The following PTPRD variants were observed in gnomAD, a reference collection of about 807,000 sequenced individuals.
PTPRD encodes protein tyrosine phosphatase receptor type D, also known as receptor-type tyrosine-protein phosphatase delta.
A neutral mutation model predicts 214.5 loss-of-function variants in PTPRD; 34 were observed. The observed-to-expected ratio is 0.16, with a 90% CI of 0.12 to 0.21. PTPRD has a LOEUF of 0.21. Among genes scored for constraint, PTPRD ranks in the 10% least tolerant of loss-of-function variants. The pLI is 1.00. For missense variants in PTPRD, 2,545 were observed against 2,398.7 expected (o/e 1.06, Z -1.27); for synonymous variants, 1,128 against 845.7 (o/e 1.33, Z -5.79).
At chr9:8,857,011 A>G (rs976708890) in intron 11 of PTPRD, among the ~76,000 whole-genome samples, 17 of 152,194 alleles carry the variant, frequency 1.1e-4, no homozygotes, top group African/African-American at 1.7e-4. Flanking sequence ...TCATTATAAA[A>G]GATGCGTTCC....
chr9:10,360,343 T>C (rs1338630746), intron 2 of PTPRD, among the ~76,000 whole-genome samples: 3 of 152,240 alleles, frequency 2.0e-5, no homozygotes, highest in East Asian at 1.9e-4. Flanking sequence ...TCATCACAAT[T>C]AGTTTTATAT....
intron 33 of PTPRD, among the ~76,000 whole-genome samples, chr9:8,458,106 A>C (rs1178431780): frequency 6.6e-6 from 1 of 152,102 alleles, no homozygotes; most frequent in Non-Finnish European, 1.5e-5. Context: ...GCATTCGAGG[A>C]TGTGTGCATT....
chr9:8,714,373 C>G (rs570189818), intron 12 of PTPRD, among the ~76,000 whole-genome samples: 2 of 152,170 alleles, frequency 1.3e-5, no homozygotes, highest in East Asian at 1.9e-4. Context: ...TTTGCAGACA[C>G]TAGTCATATT....
chr9:9,825,472 C>T (rs574246161), intron 5 of PTPRD, among the ~76,000 whole-genome samples: 6 of 150,630 alleles, frequency 4.0e-5, no homozygotes, highest in East Asian at 2.0e-4. Flanking sequence ...AGAAAGAGAC[C>T]GAGAGACAGA....
intron 11 of PTPRD, among the ~76,000 whole-genome samples, chr9:8,754,259 T>G (rs1293505795): frequency 2.0e-5 from 3 of 152,192 alleles, no homozygotes; most frequent in African/African-American, 7.2e-5. Context: ...AAAAACTAAT[T>G]TTATAATTTA....
chr9:8,396,111 G>T (rs2091084546), intron 36 of PTPRD, among the ~76,000 whole-genome samples: 1 of 151,124 alleles, frequency 6.6e-6, no homozygotes, highest in Admixed American at 6.6e-5. Flanking sequence ...CTATGTGTAG[G>T]AAACACTCAG....
intron 10 of PTPRD, among the ~76,000 whole-genome samples, chr9:9,059,136 A>G (rs1005435143): frequency 6.6e-6 from 1 of 152,184 alleles, no homozygotes; most frequent in African/African-American, 2.4e-5. Flanking sequence ...GAGAGAACAG[A>G]AAGCATGCTG....
intron 3 of PTPRD, among the ~76,000 whole-genome samples, chr9:10,103,850 T>A (rs866135974): frequency 6.6e-6 from 1 of 151,618 alleles, no homozygotes; most frequent in Admixed American, 6.6e-5. Context: ...GTTAAAGAAT[T>A]TAATGGCTTG....
At chr9:8,583,074 T>C (rs1365393106) in intron 14 of PTPRD, among the ~76,000 whole-genome samples, 1 of 152,224 alleles carries the variant, frequency 6.6e-6, no homozygotes, top group Non-Finnish European at 1.5e-5. Context: ...TTGGCCAAGA[T>C]GAAACTGTTC....
At chr9:9,542,759 G>C (rs577230410) in intron 8 of PTPRD, among the ~76,000 whole-genome samples, 1 of 151,654 alleles carries the variant, frequency 6.6e-6, no homozygotes, top group African/African-American at 2.4e-5. Context: ...ACCACAATGA[G>C]ATGACATTTC....
chr9:8,976,203 T>C (rs2099267122), intron 11 of PTPRD, among the ~76,000 whole-genome samples: 1 of 152,110 alleles, frequency 6.6e-6, no homozygotes, highest in South Asian at 2.1e-4. Flanking sequence ...CCATATTGTT[T>C]GTGTTTAAAC....
chr9:9,579,809 A>G (rs562356890), intron 7 of PTPRD, among the ~76,000 whole-genome samples: 1 of 152,208 alleles, frequency 6.6e-6, no homozygotes, highest in African/African-American at 2.4e-5. Context: ...CCAGAATAAT[A>G]TCCATTGTAC....
chr9:10,503,105 C>G (rs1649932364), intron 2 of PTPRD, among the ~76,000 whole-genome samples: 1 of 145,002 alleles, frequency 6.9e-6, no homozygotes, highest in Non-Finnish European at 1.5e-5. Flanking sequence ...CCATTTTTGT[C>G]TCTCCAATGT....
chr9:10,250,437 A>G (rs1213195864), intron 3 of PTPRD, among the ~76,000 whole-genome samples: 1 of 152,124 alleles, frequency 6.6e-6, no homozygotes, highest in East Asian at 1.9e-4. Context: ...GAAAGCCTAG[A>G]AAGTCTTTAT....
intron 3 of PTPRD, among the ~76,000 whole-genome samples, chr9:10,090,374 A>G (rs2098414502): frequency 6.6e-6 from 1 of 151,408 alleles, no homozygotes; most frequent in Non-Finnish European, 1.5e-5. Context: ...ATAGAATTAT[A>G]ATTATTCAGG....
intron 8 of PTPRD, among the ~76,000 whole-genome samples, chr9:9,463,930 G>A (rs1018761732): frequency 5.9e-5 from 9 of 152,120 alleles, no homozygotes; most frequent in Admixed American, 5.2e-4. Flanking sequence ...TTTGGACAGT[G>A]AGACACCAGA....
Position 10,378,581 on chromosome 9 carries a change from C to T in PTPRD, c.-599-37564G>A, listed in dbSNP as rs181444893. ...TCATTTATTGAAGAGACTGTCTTTC[C>T]CCTCAGTATGTTATTGGAACCTATA... On this transcript the variant is annotated intron_variant, in intron 2 of 45. Coordinates refer to ENST00000381196, the MANE Select transcript of PTPRD (RefSeq NM_002839.4). 3.1e-3 allele frequency among the ~76,000 whole-genome samples: 465 copies of T among 152,078 alleles called. 4 individuals carry two copies. The highest frequency in any genetic ancestry group is 4.0e-3 in the Non-Finnish European group (273 of 67,954).
At chr9:9,480,011 G>C (rs968651660) in intron 8 of PTPRD, among the ~76,000 whole-genome samples, 1 of 152,158 alleles carries the variant, frequency 6.6e-6, no homozygotes. Flanking sequence ...TCATGAGCAA[G>C]AATAATGGTA....
chr9:9,908,750 GAACA>G, intron 5 of PTPRD, among the ~76,000 whole-genome samples: 1 of 152,006 alleles, frequency 6.6e-6, no homozygotes, highest in Non-Finnish European at 1.5e-5. Context: ...CAGGAGTGAT[GAACA>G]AACAAAATAT....
Sources: gnomAD v4.1 joint callset for allele counts (sites outside exome capture counted in the v4.1 genomes callset) on GRCh38, gnomAD v4.1.1 for gene constraint, MANE v1.5 for transcripts, NCBI Gene and HGNC (gene_info 2026-07-23, HGNC 2026-07-21) for gene names.